The following DNAH14 variants were observed in gnomAD, a reference collection of about 807,000 sequenced individuals.
DNAH14 encodes the protein dynein axonemal heavy chain 14, also known as axonemal beta dynein heavy chain 14.
A neutral mutation model predicts 520.9 loss-of-function variants in DNAH14; 478 were observed. That is an observed-to-expected ratio of 0.92 (90% CI 0.85 to 0.99). The LOEUF (loss-of-function observed/expected upper bound fraction) is 0.99, where lower values mean the gene tolerates loss of function less well. Among genes scored for constraint, DNAH14 ranks in the 50% least tolerant of loss-of-function variants. The probability of loss-of-function intolerance (pLI) is 0.00; values close to 1 mark genes in which losing one functional copy is unlikely to be tolerated. For synonymous variants in DNAH14, 1,581 were observed against 1,757.2 expected, an observed-to-expected ratio of 0.90 and a Z score of 2.51; for missense variants, 4,831 against 5,234.5, an observed-to-expected ratio of 0.92 and a Z score of 2.38.
At chr1:224,968,965 T>A in intron 7 of DNAH14, 91 bp downstream of exon 7, 1 of 812,878 alleles carries the variant, frequency 1.2e-6, no homozygotes, top group Non-Finnish European at 1.9e-6. Context: ...ACTACAGTAA[T>A]ACCAGTAGAA....
At chr1:225,341,433 C>T (rs1042114171) in intron 69 of DNAH14, among the ~76,000 whole-genome samples, 4 of 152,170 alleles carry the variant, frequency 2.6e-5, no homozygotes, top group South Asian at 2.1e-4. Context: ...ACCAGCCTGA[C>T]CAACATGGAG....
chr1:225,054,146 A>G (rs561872366), intron 17 of DNAH14, among the ~76,000 whole-genome samples: 2 of 152,300 alleles, frequency 1.3e-5, no homozygotes, highest in East Asian at 1.9e-4. Flanking sequence ...TCTGTCTCCT[A>G]CTATACCCCT....
At chr1:225,363,989 T>C (rs2150573118) in intron 75 of DNAH14, among the ~76,000 whole-genome samples, 1 of 152,304 alleles carries the variant, frequency 6.6e-6, no homozygotes, top group East Asian at 1.9e-4. Flanking sequence ...GTGGAACCTA[T>C]GGATATAGAG....
intron 77 of DNAH14, among the ~76,000 whole-genome samples, chr1:225,374,145 C>CTATATATATATATGTATATA (rs1272949431): frequency 1.5e-4 from 5 of 33,056 alleles, no homozygotes; most frequent in African/African-American, 5.5e-4. Context: ...TTGTGTCTTA[C>CTATATATATATATGTATATA]TATATATATA....
At chr1:225,050,486 T>G in intron 16 of DNAH14, 110 bp downstream of exon 16, 1 of 1,142,558 alleles carries the variant, frequency 8.8e-7, no homozygotes, top group Non-Finnish European at 1.2e-6. Flanking sequence ...TCATAGCAAT[T>G]GAAAAATCAT....
At chr1:225,328,777 G>T (rs6426062) in intron 64 of DNAH14, among the ~76,000 whole-genome samples, 97,321 of 151,894 alleles carry the variant, frequency 0.64, 31,996 homozygotes, top group East Asian at 0.78. Flanking sequence ...GCGTTAATAT[G>T]TAAGTAACTC....
At chr1:225,014,653 G>A (rs2065066998) in intron 10 of DNAH14, among the ~76,000 whole-genome samples, 1 of 152,110 alleles carries the variant, frequency 6.6e-6, no homozygotes, top group Admixed American at 6.5e-5. Context: ...ATTCCCCTGT[G>A]CTCAGATAAG....
chr1:225,015,044 A>C (rs1392619361), intron 10 of DNAH14, among the ~76,000 whole-genome samples: 3 of 152,300 alleles, frequency 2.0e-5, no homozygotes, highest in Non-Finnish European at 4.4e-5. Context: ...TTATTATTAT[A>C]TAATGTCCTC....
intron 65 of DNAH14, 94 bp downstream of exon 65, chr1:225,331,671 C>T: frequency 2.1e-6 from 3 of 1,452,654 alleles, no homozygotes; most frequent in Non-Finnish European, 2.8e-6. Flanking sequence ...GTATCATATA[C>T]CTTCTAAAAC....
chr1:225,092,687 C>T (rs1167726284), intron 21 of DNAH14, among the ~76,000 whole-genome samples: 2 of 151,808 alleles, frequency 1.3e-5, no homozygotes, highest in Admixed American at 6.6e-5. Context: ...CAGAGCTGAA[C>T]TGAAGGAAAT....
At chr1:225,263,702 C>A (rs1475534266) in intron 46 of DNAH14, among the ~76,000 whole-genome samples, 1 of 151,950 alleles carries the variant, frequency 6.6e-6, no homozygotes, top group Non-Finnish European at 1.5e-5. Flanking sequence ...CAATGAAAAT[C>A]ATTCTTTATC....
chr1:225,172,449 A>G (rs1224253870), intron 36 of DNAH14, among the ~76,000 whole-genome samples: 2 of 152,216 alleles, frequency 1.3e-5, no homozygotes, highest in Non-Finnish European at 2.9e-5. Flanking sequence ...AGAAATCACA[A>G]GCATTCTTAT....
At chr1:225,271,133 T>C (rs542431355) in intron 50 of DNAH14, among the ~76,000 whole-genome samples, 30 of 152,226 alleles carry the variant, frequency 2.0e-4, no homozygotes, top group Non-Finnish European at 3.4e-4. Flanking sequence ...TGATCCAGTA[T>C]ATCTGGCCTG....
At chr1:225,204,147 A>G in intron 38 of DNAH14, 36 bp from the exon 39 acceptor site, 1 of 1,122,410 alleles carries the variant, frequency 8.9e-7, no homozygotes, top group Non-Finnish European at 1.2e-6. Context: ...AGTGTTATTA[A>G]ATAAAAATTT....
chr1:225,173,958 G>T (rs2083015940), intron 36 of DNAH14, among the ~76,000 whole-genome samples: 1 of 152,220 alleles, frequency 6.6e-6, no homozygotes, highest in African/African-American at 2.4e-5. Flanking sequence ...CATGTCCTTT[G>T]TAGGGACATA....
intron 49 of DNAH14, among the ~76,000 whole-genome samples, chr1:225,270,271 A>G (rs1305769312): frequency 7.1e-6 from 1 of 141,812 alleles, no homozygotes; most frequent in African/African-American, 2.6e-5. Flanking sequence ...GAACTGAACA[A>G]TGAGAACACT....
In DNAH14 at chr1:225,264,244, C is replaced by G; in HGVS notation, c.7205C>G (p.Thr2402Arg). 1 of 1,549,696 alleles carries G rather than the reference C, an allele frequency of 6.5e-7. No homozygotes were observed. Among genetic ancestry groups the G allele is most frequent in the Non-Finnish European group, 8.7e-7 (1 of 1,145,650 alleles). The stretch of plus-strand genomic sequence containing the variant: ...ATCTTGATTCCTGAAACTCATAAGA[C>G]AGCAACTGGAAGTTCAGGTATATAT... The part of the protein sequence containing the change: ...ITILIPETHK[T>R]ATGSSDNPTK... Residue 2402 changes from threonine (T) to arginine (R), a missense_variant, in exon 47 of 86, where the codon ACA (threonine) becomes AGA (arginine). Thr to Arg is a moderately conservative substitution (Grantham distance 71). Transcript: ENST00000682510.
chr1:225,320,308 C>T (rs2094535847), intron 61 of DNAH14, among the ~76,000 whole-genome samples: 1 of 152,154 alleles, frequency 6.6e-6, no homozygotes, highest in Admixed American at 6.6e-5. Context: ...GTAACAGAGG[C>T]TGGCATAAGG....
chr1:225,001,217 C>T (rs1287324172), intron 8 of DNAH14, among the ~76,000 whole-genome samples: 3 of 151,980 alleles, frequency 2.0e-5, no homozygotes, highest in Admixed American at 2.0e-4. Flanking sequence ...ACCACCATGT[C>T]ATTTCTAGCC....
Sources: gnomAD v4.1 joint callset for allele counts (sites outside exome capture counted in the v4.1 genomes callset) on GRCh38, gnomAD v4.1.1 for gene constraint, MANE v1.5 for transcripts, NCBI Gene and HGNC (gene_info 2026-07-23, HGNC 2026-07-21) for gene names.